ERC2: variants seen among roughly 807,000 people sequenced by gnomAD.
ERC2 encodes ERC protein 2.
In ERC2, 42 loss-of-function variants were observed where a neutral mutation model predicts 114.8. The observed-to-expected ratio is 0.37, with a 90% CI of 0.29 to 0.47. The LOEUF (loss-of-function observed/expected upper bound fraction) is 0.47. Among genes scored for constraint, ERC2 ranks in the 20% least tolerant of loss-of-function variants. ERC2 has a pLI of 0.99. For missense variants in ERC2, 939 were observed against 1,150.7 expected (o/e 0.82, Z 2.66); for synonymous variants, 454 against 425.5 (o/e 1.07, Z -0.82).
chr3:55,879,099 A>ATTTTTTTTTTTTTTTTTTT (rs3047064), intron 14 of ERC2, among the ~76,000 whole-genome samples: 1 of 127,806 alleles, frequency 7.8e-6, no homozygotes, highest in Non-Finnish European at 1.6e-5. Flanking sequence ...CTTTTTCTTA[A>ATTTTTTTTTTTTTTTTTTT]TTTTTTTTTT....
intron 2 of ERC2, among the ~76,000 whole-genome samples, chr3:56,316,226 T>C (rs1233506241): frequency 2.6e-5 from 4 of 152,222 alleles, no homozygotes; most frequent in Non-Finnish European, 5.9e-5. Context: ...TTTGCTGTTA[T>C]CTTTGAACAT....
chr3:56,394,764 G>A (rs529681037), intron 2 of ERC2, among the ~76,000 whole-genome samples: 1 of 152,268 alleles, frequency 6.6e-6, no homozygotes, highest in East Asian at 1.9e-4. Context: ...TACACTGCTG[G>A]TGGAAATGTA....
intron 3 of ERC2, among the ~76,000 whole-genome samples, chr3:56,199,161 G>A (rs1260556436): frequency 6.6e-6 from 1 of 152,120 alleles, no homozygotes; most frequent in East Asian, 1.9e-4. Context: ...CAAATTGTTG[G>A]GAAATGCTAT....
In ERC2 at chr3:55,730,267, C is replaced by G. The variant is rs548809170; in HGVS notation, c.2712+4504G>C. ...ATAGTCTCTTGGACTTTGGTTTAAT[C>G]AACTCAAAAATAAGGGTGATGCTTT... On this transcript the variant is annotated intron_variant, in intron 15 of 17. Coordinates refer to ENST00000288221, the MANE Select transcript of ERC2 (RefSeq NM_015576.3). 9.2e-5 allele frequency among the ~76,000 whole-genome samples: 14 copies of G among 152,224 alleles called. No homozygotes were observed. In the South Asian group the frequency reaches 2.9e-3, roughly 32 times the overall value.
chr3:56,248,923 T>A (rs1184312044), intron 3 of ERC2, among the ~76,000 whole-genome samples: 1 of 152,244 alleles, frequency 6.6e-6, no homozygotes, highest in Non-Finnish European at 1.5e-5. Context: ...TTTATGTTAT[T>A]TATTTTCATG....
intron 8 of ERC2, among the ~76,000 whole-genome samples, chr3:56,017,121 A>C (rs1415703943): frequency 2.0e-5 from 3 of 152,164 alleles, no homozygotes; most frequent in African/African-American, 7.2e-5. Flanking sequence ...ACATGGGCCT[A>C]AAAACTGCGC....
At chr3:55,981,347 C>A (rs1050191094) in intron 12 of ERC2, among the ~76,000 whole-genome samples, 1 of 152,190 alleles carries the variant, frequency 6.6e-6, no homozygotes, top group African/African-American at 2.4e-5. Flanking sequence ...AATTTTCTGA[C>A]CTGTGGATAA....
At chr3:55,893,900 C>T (rs994418100) in intron 13 of ERC2, among the ~76,000 whole-genome samples, 1 of 152,146 alleles carries the variant, frequency 6.6e-6, no homozygotes, top group East Asian at 1.9e-4. Flanking sequence ...TCTGACTCTA[C>T]TCTTACCCCT....
At chr3:56,144,343 A>T (rs1052542623) in intron 5 of ERC2, among the ~76,000 whole-genome samples, 1 of 152,242 alleles carries the variant, frequency 6.6e-6, no homozygotes, top group Non-Finnish European at 1.5e-5. Flanking sequence ...AAATGATAAA[A>T]GATACTAAAA....
rs537889384 is a variant in ERC2, at chr3:55,679,673, G to T, written c.*39+4121C>A. Among the ~76,000 whole-genome samples the T allele has an allele frequency of 3.3e-5, 5 of 152,326 alleles. No individual in the cohort carries two copies. In the East Asian group the frequency reaches 5.8e-4, roughly 18 times the overall value. On this transcript the variant is annotated intron_variant, in intron 17 of 17. Transcript: ENST00000288221. ...TTAGTAGCCAATGGCACAAGAAAGA[G>T]ATATATCAGATCCTCAGTTATACAA...
At chr3:56,156,365 C>T (rs1575614884) in intron 4 of ERC2, among the ~76,000 whole-genome samples, 1 of 152,054 alleles carries the variant, frequency 6.6e-6, no homozygotes, top group African/African-American at 2.4e-5. Context: ...AAACTGAACC[C>T]CAGTGTTTTA....
intron 14 of ERC2, among the ~76,000 whole-genome samples, chr3:55,806,687 C>A (rs557740317): frequency 6.6e-6 from 1 of 152,274 alleles, no homozygotes; most frequent in Admixed American, 6.5e-5. Context: ...ACAGACCCTA[C>A]AACAAAGAAT....
chr3:55,807,181 T>C (rs1239344800), intron 14 of ERC2, among the ~76,000 whole-genome samples: 1 of 152,224 alleles, frequency 6.6e-6, no homozygotes, highest in Admixed American at 6.5e-5. Flanking sequence ...ATACTCATCA[T>C]GAGATGTATA....
At chr3:56,457,930 C>A in intron 1 of ERC2, among the ~76,000 whole-genome samples, 1 of 152,142 alleles carries the variant, frequency 6.6e-6, no homozygotes, top group East Asian at 1.9e-4. Context: ...TGGATGTTCC[C>A]CCAAAGAGCA....
intron 17 of ERC2, among the ~76,000 whole-genome samples, chr3:55,660,229 C>A (rs956154353): frequency 6.6e-6 from 1 of 152,138 alleles, no homozygotes; most frequent in Non-Finnish European, 1.5e-5. Context: ...CAACCCGCAC[C>A]CCCACCTCCA....
At chr3:55,808,701 T>TTATATATATATATA (rs377604698) in intron 14 of ERC2, among the ~76,000 whole-genome samples, 29 of 61,716 alleles carry the variant, frequency 4.7e-4, no homozygotes, top group East Asian at 1.9e-3. Flanking sequence ...TACCATAATT[T>TTATATATATATATA]TATATATATA....
At chr3:55,797,100 T>C (rs1010595223) in intron 14 of ERC2, among the ~76,000 whole-genome samples, 2 of 152,210 alleles carry the variant, frequency 1.3e-5, no homozygotes, top group Non-Finnish European at 2.9e-5. Context: ...CTATTCATAG[T>C]GTGTACACAT....
At chr3:55,675,913 T>C (rs1372065310) in intron 17 of ERC2, among the ~76,000 whole-genome samples, 1 of 70,622 alleles carries the variant, frequency 1.4e-5, no homozygotes, top group South Asian at 6.7e-4. Flanking sequence ...CTTTTTTTTT[T>C]TTTTTTTTTT....
At chr3:56,384,605 A>C (rs2059868164) in intron 2 of ERC2, among the ~76,000 whole-genome samples, 2 of 152,124 alleles carry the variant, frequency 1.3e-5, no homozygotes, top group African/African-American at 4.8e-5. Context: ...CTAGATATTA[A>C]TCCCTTAACA....
Sources: allele counts gnomAD v4.1 joint callset (sites outside exome capture counted in the v4.1 genomes callset), GRCh38; gene constraint gnomAD v4.1.1; transcripts MANE v1.5; gene names NCBI Gene and HGNC (gene_info 2026-07-23, HGNC 2026-07-21).